The following MRO variants were observed in gnomAD, a reference collection of about 807,000 sequenced individuals.
MRO encodes maestro, also known as protein maestro.
Under a neutral mutation model 31.0 loss-of-function variants are expected in MRO, and 28 were observed. The observed-to-expected ratio is 0.90, with a 90% confidence interval of 0.67 to 1.24. MRO has a LOEUF of 1.24. Among genes scored for constraint, MRO ranks in the 50% most tolerant of loss-of-function variants. The pLI, the probability that MRO is intolerant of heterozygous loss-of-function variation, is 0.00. For synonymous variants in MRO, 108 were observed against 108.4 expected, an observed-to-expected ratio of 1.00 and a Z score of 0.02; for missense variants, 332 against 289.2, an observed-to-expected ratio of 1.15 and a Z score of -1.07.
intron 5 of MRO, among the ~76,000 whole-genome samples, chr18:50,803,996 C>T (rs150698251): frequency 1.3e-5 from 2 of 152,232 alleles, no homozygotes; most frequent in African/African-American, 4.8e-5. Context: ...TTTTGCTTAG[C>T]CTGATTTGTC....
At chr18:50,809,769 C>T (rs995683540) in intron 2 of MRO, among the ~76,000 whole-genome samples, 17 of 152,172 alleles carry the variant, frequency 1.1e-4, no homozygotes, top group African/African-American at 3.9e-4. Flanking sequence ...TAAAAGTTCT[C>T]TGAGAATGTA....
intron 2 of MRO, among the ~76,000 whole-genome samples, chr18:50,818,062 C>T (rs115253249): frequency 0.016 from 2,348 of 145,822 alleles, 64 homozygotes; most frequent in African/African-American, 0.056. Context: ...AAGTCCTTTA[C>T]ACCCAATCCA....
At chr18:50,804,932 C>T (rs1913757910) in intron 5 of MRO, among the ~76,000 whole-genome samples, 4 of 152,018 alleles carry the variant, frequency 2.6e-5, no homozygotes, top group Admixed American at 2.0e-4. Context: ...GCTGGGACTA[C>T]AGGCGTGCAC....
At position 50,801,230 on chromosome 18, in the gene MRO, G is replaced by A. The variant is rs931751344; in HGVS notation, c.585+119C>T. The A allele has an allele frequency of 9.2e-5, 75 of 816,244 alleles. No individual in the cohort carries two copies. The East Asian group carries it at 1.8e-3, about 20-fold the overall frequency. The allele number at this position is 816,244 out of a possible 1,614,324, so 50.6% of individuals were successfully genotyped here. ...CCTTGTCAAGGATGCACACAGAAACGCTGCTAAGTATCTACAGCAGTGCTG... is the reference window on the plus strand; with the variant it reads ...CCTTGTCAAGGATGCACACAGAAACACTGCTAAGTATCTACAGCAGTGCTG... On this transcript the variant is annotated intron_variant, in intron 6 of 7. Transcript: ENST00000398439.
chr18:50,812,987 G>A (rs1025058262), intron 2 of MRO, among the ~76,000 whole-genome samples: 7 of 152,166 alleles, frequency 4.6e-5, no homozygotes, highest in African/African-American at 1.7e-4. Flanking sequence ...AGCTTCCAGG[G>A]ACATGGGACT....
chr18:50,820,258 A>G (rs1027249255), upstream of MRO, among the ~76,000 whole-genome samples: 1 of 152,116 alleles, frequency 6.6e-6, no homozygotes, highest in East Asian at 1.9e-4. Context: ...AAGAGCTTTA[A>G]CCGTTGACGT....
chr18:50,801,631 G>C, intron 5 of MRO, 127 bp from the exon 6 acceptor site: 1 of 888,634 alleles, frequency 1.1e-6, no homozygotes, highest in Non-Finnish European at 1.7e-6. Context: ...CACAGCCATC[G>C]ATCTTGACTG....
intron 2 of MRO, among the ~76,000 whole-genome samples, chr18:50,819,252 G>A (rs995779954): frequency 1.3e-5 from 2 of 152,104 alleles, no homozygotes; most frequent in African/African-American, 4.8e-5. Context: ...TGAGCTGAAC[G>A]AGGGAAGACA....
intron 7 of MRO, among the ~76,000 whole-genome samples, chr18:50,799,718 C>G (rs1913105678): frequency 2.0e-5 from 3 of 152,044 alleles, no homozygotes; most frequent in African/African-American, 7.2e-5. Flanking sequence ...CAAGACCAGC[C>G]TGGGCAACGT....
At chr18:50,802,898 T>TTGTGTGTGTGTG (rs147321917) in intron 5 of MRO, among the ~76,000 whole-genome samples, 22 of 134,808 alleles carry the variant, frequency 1.6e-4, no homozygotes, top group African/African-American at 6.1e-4. Flanking sequence ...TAGTGAGTGT[T>TTGTGTGTGTGTG]TGTGTATGTG....
intron 2 of MRO, among the ~76,000 whole-genome samples, chr18:50,809,967 G>T (rs577249151): frequency 4.6e-5 from 7 of 152,232 alleles, no homozygotes; most frequent in African/African-American, 1.7e-4. Context: ...GGGGAAGGGA[G>T]AGTGGGGCAG....
intron 6 of MRO, among the ~76,000 whole-genome samples, chr18:50,801,092 C>T (rs1735110813): frequency 6.6e-6 from 1 of 152,144 alleles, no homozygotes; most frequent in African/African-American, 2.4e-5. Flanking sequence ...CCTCTCTGCC[C>T]TCAACCCCAT....
In MRO at chr18:50,801,589, A is replaced by C. The variant is rs867413130; in HGVS notation, c.430-85T>G. The C allele has an allele frequency of 1.4e-4, 173 of 1,277,530 alleles. No homozygotes were observed. In the Middle Eastern group the frequency reaches 4.0e-3, roughly 30 times the overall value. The allele number at this position is 1,277,530 out of a possible 1,614,324, so 79.1% of individuals were successfully genotyped here. ...TCTGAACACATCACAGCCATCGGTC[A>C]GAACACATCACAGCCGTCAATCAGA... On this transcript the variant is annotated intron_variant, in intron 5 of 7. Coordinates refer to ENST00000398439, the MANE Select transcript of MRO (RefSeq NM_031939.6).
chr18:50,821,246 G>A (rs1355632422), upstream of MRO, among the ~76,000 whole-genome samples: 1 of 152,186 alleles, frequency 6.6e-6, no homozygotes. Context: ...GTAATAGGAA[G>A]AGGTGGAGGG....
rs745841562 is a variant in MRO, at chr18:50,799,324, T to C, written c.*13A>G. 2 of 1,611,484 alleles carry C rather than the reference T, an allele frequency of 1.2e-6. No individual in the cohort carries two copies. The highest frequency in any genetic ancestry group is 1.7e-5 in the Admixed American group (1 of 60,026). ...ATGCACTCATACAGAACCATTTCCCTGCTGCTCTGCGCTTACAGAATTTTA... is the reference window on the plus strand; with the variant it reads ...ATGCACTCATACAGAACCATTTCCCCGCTGCTCTGCGCTTACAGAATTTTA... On this transcript the variant is annotated 3_prime_UTR_variant, in exon 8 of 8. Transcript: ENST00000398439.
chr18:50,799,998 G>A (rs1410527556), intron 7 of MRO, 38 bp downstream of exon 7: 2 of 1,444,716 alleles, frequency 1.4e-6, no homozygotes, highest in South Asian at 2.3e-5. Flanking sequence ...GGAGGGCAGG[G>A]ACCGGAAAAG....
intron 5 of MRO, among the ~76,000 whole-genome samples, chr18:50,803,220 A>G (rs557904984): frequency 6.6e-6 from 1 of 152,282 alleles, no homozygotes; most frequent in East Asian, 1.9e-4. Flanking sequence ...GTTTAAAAAA[A>G]TGGTTGAAGG....
Position 50,797,090 on chromosome 18 carries a change from T to C in MRO, c.*2247A>G, listed in dbSNP as rs1912852306. 6.6e-6 allele frequency: 1 copy of C among 152,218 alleles called. No individual in the cohort carries two copies. Among genetic ancestry groups the C allele is most frequent in the African/African-American group, 2.4e-5 (1 of 41,460 alleles). The allele number at this position is 152,218 out of a possible 1,614,324, so 9.4% of individuals were successfully genotyped here. On this transcript the variant is annotated 3_prime_UTR_variant, in exon 8 of 8. Transcript: ENST00000398439. Reference sequence around the variant, plus strand: ...GTTAATGACTTAAAACAACAATCATTTGATTCTTTGTTCATGCTTCTGCAA... The same window carrying C: ...GTTAATGACTTAAAACAACAATCATCTGATTCTTTGTTCATGCTTCTGCAA...
upstream of MRO, among the ~76,000 whole-genome samples, chr18:50,822,025 T>C (rs1437109825): frequency 6.6e-6 from 1 of 152,232 alleles, no homozygotes; most frequent in Non-Finnish European, 1.5e-5. Flanking sequence ...TACAGTTCTT[T>C]GGAAATTAGA....
Sources: gnomAD v4.1 joint callset for allele counts (sites outside exome capture counted in the v4.1 genomes callset) on GRCh38, gnomAD v4.1.1 for gene constraint, MANE v1.5 for transcripts, NCBI Gene and HGNC (gene_info 2026-07-23, HGNC 2026-07-21) for gene names.